IKZF5: variants seen among roughly 807,000 people sequenced by gnomAD.
IKZF5 encodes the protein zinc finger protein Pegasus.
In IKZF5, 4 loss-of-function variants were observed where a neutral mutation model predicts 30.7. The observed-to-expected ratio is 0.13, with a 90% CI of 0.06 to 0.30. The LOEUF is 0.30. Among genes scored for constraint, IKZF5 ranks in the 10% least tolerant of loss-of-function variants. The probability of loss-of-function intolerance (pLI) is 1.00; values close to 1 mark genes in which losing one functional copy is unlikely to be tolerated. For missense variants in IKZF5, 348 were observed against 525.5 expected, an observed-to-expected ratio of 0.66 and a Z score of 3.30; for synonymous variants, 148 against 179.6, an observed-to-expected ratio of 0.82 and a Z score of 1.41.
At position 122,993,999 on chromosome 10, in the gene IKZF5, C is replaced by T. The variant is rs777805669; in HGVS notation, c.1041G>A (p.Gln347=). Residue 347 remains glutamine (Q), a synonymous_variant, in exon 5 of 5, where the codon CAG becomes CAA. Coordinates refer to ENST00000368886, the MANE Select transcript of IKZF5 (RefSeq NM_001372123.1). ...HTSTPSIGNS[Q]PSTPAPALPV... ...GCAGGGCTGGGGCTGGGGTGCTTGG[C>T]TGGCTGTTTCCTATGCTGGGAGTGC... 5 of 1,613,968 alleles carry T rather than the reference C, an allele frequency of 3.1e-6. No homozygotes were observed. In the Admixed American group the frequency reaches 8.3e-5, roughly 27 times the overall value.
intron 2 of IKZF5, among the ~76,000 whole-genome samples, chr10:122,999,126 C>T (rs1301966342): frequency 6.6e-6 from 1 of 152,070 alleles, no homozygotes; most frequent in Non-Finnish European, 1.5e-5. Context: ...TCTGAGTGGT[C>T]AAGGCTGCAG....
At chr10:123,002,285 G>A (rs1381202309) in intron 2 of IKZF5, among the ~76,000 whole-genome samples, 2 of 152,052 alleles carry the variant, frequency 1.3e-5, no homozygotes, top group Admixed American at 1.3e-4. Context: ...TTGGGAGGCC[G>A]AGGTGGGTGG....
At chr10:123,004,498 G>A (rs900929857) in intron 2 of IKZF5, among the ~76,000 whole-genome samples, 2 of 151,962 alleles carry the variant, frequency 1.3e-5, no homozygotes, top group African/African-American at 2.4e-5. Flanking sequence ...GAACACAAAT[G>A]AGCCTAATTA....
rs770508683 is a variant in IKZF5 at position 122,994,143 on chromosome 10, G to A, written c.897C>T (p.Ala299=). 33 of 1,613,944 alleles carry A rather than the reference G, an allele frequency of 2.0e-5. No homozygotes were observed. The highest frequency in any genetic ancestry group is 1.8e-4 in the East Asian group (8 of 44,900). ...AGCTCTGAGGAATACTTGCTGATACGGCAGAAACTACTGCTTGGGTAGAGG... is the reference window on the plus strand; with the variant it reads ...AGCTCTGAGGAATACTTGCTGATACAGCAGAAACTACTGCTTGGGTAGAGG... ...QQPSTQAVVS[A]VSASIPQSSS... The change falls in exon 5 of 5, where the codon GCC becomes GCT. Residue 299 remains alanine (A), a synonymous_variant. Coordinates refer to ENST00000368886, the MANE Select transcript of IKZF5 (RefSeq NM_001372123.1). The surrounding 1 kb of genome is among the most constrained non-coding windows in gnomAD (Gnocchi z 5.6).
chr10:123,003,690 A>C (rs1414209190), intron 2 of IKZF5, among the ~76,000 whole-genome samples: 3 of 152,232 alleles, frequency 2.0e-5, no homozygotes, highest in African/African-American at 7.2e-5. Flanking sequence ...AGATTTTAAA[A>C]TTCTCACCAC....
At position 122,993,438 on chromosome 10, in the gene IKZF5, A is replaced by C. The variant is rs1480850390; in HGVS notation, c.*342T>G. Reference sequence around the variant, plus strand: ...TAACATCCAGTTCAATGCATATTGAAACATCAAAAGTATGGATAAGCCTTG... The same window carrying C: ...TAACATCCAGTTCAATGCATATTGACACATCAAAAGTATGGATAAGCCTTG... On this transcript the variant is annotated 3_prime_UTR_variant, in exon 5 of 5. Transcript: ENST00000368886. 1 of 170,286 alleles carries C rather than the reference A, an allele frequency of 5.9e-6. No homozygotes were observed. The allele number at this position is 170,286 out of a possible 1,614,324, so 10.5% of individuals were successfully genotyped here.
At chr10:123,003,438 A>C (rs1272045251) in intron 2 of IKZF5, among the ~76,000 whole-genome samples, 1 of 152,220 alleles carries the variant, frequency 6.6e-6, no homozygotes, top group African/African-American at 2.4e-5. Flanking sequence ...GGGGTCCTGG[A>C]ACCAGTACCT....
At chr10:122,996,804 C>G (rs1589716814) in intron 3 of IKZF5, among the ~76,000 whole-genome samples, 1 of 152,306 alleles carries the variant, frequency 6.6e-6, no homozygotes, top group East Asian at 1.9e-4. Context: ...TAAAGAGATT[C>G]ACTGGAGAGT....
rs190724978 is a variant in IKZF5, at chr10:122,998,333, G to A, written c.133+160C>T. 304 of 567,356 alleles carry A rather than the reference G, an allele frequency of 5.4e-4. 1 individual carries two copies. The highest frequency in any genetic ancestry group is 4.6e-3 in the African/African-American group (247 of 53,176). 35.1% of individuals were successfully genotyped at this position (567,356 alleles called of 1,614,324 possible). A position where few individuals can be genotyped will look rare whatever the true frequency, so the allele number is the denominator to read the frequency against. ...CCATGTTAAGTACTCTCCAGCAGAA[G>A]TCTGATATGTTTAAAAAAGGGGGAA... On this transcript the variant is annotated intron_variant, in intron 3 of 4. Coordinates refer to ENST00000368886, the MANE Select transcript of IKZF5 (RefSeq NM_001372123.1).
rs1849253040 is a variant in IKZF5 at position 122,993,823 on chromosome 10, T to C, written c.1217A>G (p.Asp406Gly). The C allele has an allele frequency of 6.2e-7, 1 of 1,610,678 alleles. No homozygotes were observed. The highest frequency in any genetic ancestry group is 1.3e-5 in the African/African-American group (1 of 74,856). ...CCCTCTTGCAAAATGACAGGCAAAA[T>C]CATACTTGTTTTTACATTTGCATCC... ...ICGCKCKNKYDFACHFARGQH... is the reference protein window; with the variant it reads ...ICGCKCKNKYGFACHFARGQH... Residue 406 changes from aspartate (D) to glycine (G), a missense_variant, in exon 5 of 5, where the codon GAT becomes GGT. Asp to Gly is a moderately conservative substitution (Grantham distance 94). Transcript: ENST00000368886.
intron 2 of IKZF5, among the ~76,000 whole-genome samples, chr10:123,005,652 C>CT (rs1456811625): frequency 6.6e-6 from 1 of 152,132 alleles, no homozygotes; most frequent in East Asian, 1.9e-4. Flanking sequence ...GGAGTGGGGC[C>CT]TTTGAGAAAT....
At chr10:122,995,120 T>C (rs1202063448) in intron 4 of IKZF5, among the ~76,000 whole-genome samples, 3 of 150,604 alleles carry the variant, frequency 2.0e-5, no homozygotes, top group Non-Finnish European at 4.4e-5. Flanking sequence ...CACACACACA[T>C]ATGCATACCC....
intron 4 of IKZF5, 79 bp downstream of exon 4, chr10:122,995,915 T>G: frequency 7.4e-7 from 1 of 1,345,974 alleles, no homozygotes; most frequent in Non-Finnish European, 1.0e-6. Flanking sequence ...TAAAACTATT[T>G]CTATGACAAA....
intron 2 of IKZF5, among the ~76,000 whole-genome samples, 195 bp from the exon 3 acceptor site, chr10:122,998,866 C>T (rs554633811): frequency 7.3e-5 from 11 of 151,686 alleles, no homozygotes; most frequent in Non-Finnish European, 2.9e-5. Flanking sequence ...AATATAAATA[C>T]GGATTCAAAC....
Position 123,008,728 on chromosome 10 carries a change from T to C in IKZF5, c.-232A>G. 1.8e-6 allele frequency: 1 copy of C among 561,670 alleles called. No individual in the cohort carries two copies. The highest frequency in any genetic ancestry group is 3.2e-6 in the Non-Finnish European group (1 of 311,838). The allele number at this position is 561,670 out of a possible 1,614,324, so 34.8% of individuals were successfully genotyped here. ...ACTGCATGGAGTAAACCACACCGCC[T>C]TGTTAAATGCCGTCGCCGCCGCCGC... On this transcript the variant is annotated 5_prime_UTR_variant, in exon 1 of 5. Transcript: ENST00000368886.
At chr10:123,006,537 TTCTA>T (rs1053921038) in intron 2 of IKZF5, among the ~76,000 whole-genome samples, 2 of 152,030 alleles carry the variant, frequency 1.3e-5, no homozygotes, top group Non-Finnish European at 2.9e-5. Context: ...TCCTTCTTCC[TTCTA>T]TCTTTTTTAT....
chr10:123,008,431 C>G (rs1849901900), intron 1 of IKZF5: 1 of 156,242 alleles, frequency 6.4e-6, no homozygotes, highest in African/African-American at 2.4e-5. Context: ...CCTCCGAGCT[C>G]CTGCTCGAAG....
At chr10:123,006,363 A>T (rs1337407187) in intron 2 of IKZF5, among the ~76,000 whole-genome samples, 1 of 152,200 alleles carries the variant, frequency 6.6e-6, no homozygotes, top group Non-Finnish European at 1.5e-5. Context: ...GATCAATGCA[A>T]GCATATATAC....
chr10:123,008,778 C>A lies in IKZF5; in HGVS notation c.-282G>T, dbSNP rs1849934029. On this transcript the variant is annotated 5_prime_UTR_variant, in exon 1 of 5. Transcript: ENST00000368886. ...CCGTCTTCGTCACCGTCACAGTCGC[C>A]GCCGCCATCTTTGTTGTGTCTCCGA... The A allele has an allele frequency of 3.3e-6, 2 of 610,458 alleles. No individual in the cohort carries two copies. The highest frequency in any genetic ancestry group is 5.5e-5 in the East Asian group (2 of 36,364). The allele number at this position is 610,458 out of a possible 1,614,324, so 37.8% of individuals were successfully genotyped here. A position where few individuals can be genotyped will look rare whatever the true frequency, so the allele number is the denominator to read the frequency against.
Sources: gnomAD v4.1 joint callset for allele counts (sites outside exome capture counted in the v4.1 genomes callset) on GRCh38, gnomAD v4.1.1 for gene constraint, Gnocchi (gnomAD v3.1) non-coding constraint, MANE v1.5 for transcripts, NCBI Gene and HGNC (gene_info 2026-07-23, HGNC 2026-07-21) for gene names.